The following ZNF362 variants were observed in gnomAD, a reference collection of about 807,000 sequenced individuals.
ZNF362 encodes the protein zinc finger protein 362, also known as rotund homolog.
A neutral mutation model predicts 42.9 loss-of-function variants in ZNF362; 11 were observed. The ratio of observed to expected loss-of-function variants is 0.26; its 90% CI spans 0.16 to 0.42. The LOEUF (loss-of-function observed/expected upper bound fraction) is 0.42, where lower values mean the gene tolerates loss of function less well. ZNF362 is among the 20% of genes least tolerant of loss of function. ZNF362 has a pLI of 1.00. For synonymous variants in ZNF362, 255 were observed against 257.3 expected (o/e 0.99, Z 0.09); for missense variants, 362 against 576.2 (o/e 0.63, Z 3.81).
At chr1:33,168,611 AGCTACTTCAGCCAGG>A in the ZNF362 span, among the ~76,000 whole-genome samples, 9 of 152,224 alleles carry the variant, frequency 5.9e-5, no homozygotes, top group African/African-American at 2.2e-4. Context: ...ATCTGACTGC[AGCTACTTCAGCCAGG>A]GCTCTGTTAC....
chr1:33,249,521 C>T, the ZNF362 span, among the ~76,000 whole-genome samples: 1 of 152,140 alleles, frequency 6.6e-6, no homozygotes, highest in Non-Finnish European at 1.5e-5. Flanking sequence ...CTCAGAGTCT[C>T]CCCAGAGAAA....
chr1:33,270,905 T>G (rs982292910), intron 2 of ZNF362, among the ~76,000 whole-genome samples: 2 of 152,156 alleles, frequency 1.3e-5, no homozygotes, highest in Non-Finnish European at 2.9e-5. Context: ...CCTGTGGCTG[T>G]GTTTGTCAGC....
At chr1:33,297,809 C>G (rs1292783476) in intron 8 of ZNF362, among the ~76,000 whole-genome samples, 3 of 152,206 alleles carry the variant, frequency 2.0e-5, no homozygotes, top group Non-Finnish European at 4.4e-5. Flanking sequence ...CCACCGTGCC[C>G]AGCCTACATT....
the ZNF362 span, among the ~76,000 whole-genome samples, chr1:33,136,470 G>A: frequency 5.3e-5 from 8 of 151,782 alleles, no homozygotes; most frequent in Non-Finnish European, 1.0e-4. Flanking sequence ...CCAGGCTCAA[G>A]CAATTCTCAT....
the ZNF362 span, chr1:33,158,150 T>C: frequency 9.7e-7 from 1 of 1,033,796 alleles, no homozygotes; most frequent in South Asian, 1.4e-5. Context: ...CAAGGCACTC[T>C]GCTCATTCAC....
In ZNF362 at chr1:33,276,484, A is replaced by G; in HGVS notation, c.239A>G (p.Gln80Arg). Residue 80 changes from glutamine (Q) to arginine (R), a missense_variant, in exon 4 of 9, where the codon CAG (glutamine) becomes CGG (arginine). This residue lies in a region of ZNF362 where 266 missense variants were observed against 365.4 expected (regional missense o/e 0.73). Coordinates refer to ENST00000539719, the MANE Select transcript of ZNF362 (RefSeq NM_152493.3). ...CCGCCGGCACCCGCCGAGAGCAGCC[A>G]GGCCGTCATGTCGCTGCCCAAGCTG... ...LVPPAPAESS[Q>R]AVMSLPKLQQ... 1 of 1,589,232 alleles carries G rather than the reference A, an allele frequency of 6.3e-7. No individual in the cohort carries two copies. The highest frequency in any genetic ancestry group is 1.1e-5 in the South Asian group (1 of 88,246).
chr1:33,216,766 G>A, the ZNF362 span, among the ~76,000 whole-genome samples: 1 of 151,894 alleles, frequency 6.6e-6, no homozygotes, highest in Admixed American at 6.6e-5. Context: ...AGTTGCATGA[G>A]CCAAGGTACA....
chr1:33,244,367 T>C, the ZNF362 span, among the ~76,000 whole-genome samples: 6 of 152,210 alleles, frequency 3.9e-5, no homozygotes, highest in African/African-American at 1.4e-4. The surrounding 1 kb of genome is among the most constrained non-coding windows in gnomAD (Gnocchi z 4.0). Flanking sequence ...CCTGAGGCAC[T>C]AACCACCGGA....
At chr1:33,157,379 C>T in the ZNF362 span, among the ~76,000 whole-genome samples, 2 of 152,166 alleles carry the variant, frequency 1.3e-5, no homozygotes, top group African/African-American at 2.4e-5. Flanking sequence ...CAGATACCTA[C>T]GTGGCTCACT....
At chr1:33,157,254 G>T in the ZNF362 span, among the ~76,000 whole-genome samples, 1 of 152,040 alleles carries the variant, frequency 6.6e-6, no homozygotes, top group African/African-American at 2.4e-5. Context: ...CTCCAGCCAC[G>T]TTAACCTCCT....
At chr1:33,149,986 T>C in the ZNF362 span, among the ~76,000 whole-genome samples, 2 of 152,214 alleles carry the variant, frequency 1.3e-5, no homozygotes, top group East Asian at 1.9e-4. Context: ...TGGCATGGGC[T>C]GCATCACCTG....
At chr1:33,189,927 G>C in the ZNF362 span, among the ~76,000 whole-genome samples, 1 of 151,538 alleles carries the variant, frequency 6.6e-6, no homozygotes, top group Non-Finnish European at 1.5e-5. Flanking sequence ...AATGGGCTTT[G>C]GCAAAGACTC....
At chr1:33,255,110 G>T (rs1035039064), upstream of ZNF362, among the ~76,000 whole-genome samples, 7 of 152,220 alleles carry the variant, frequency 4.6e-5, no homozygotes, top group African/African-American at 1.4e-4. Flanking sequence ...TCTGTGCCAG[G>T]CACTGTGCTT....
chr1:33,241,617 G>A, the ZNF362 span, among the ~76,000 whole-genome samples: 1 of 152,070 alleles, frequency 6.6e-6, no homozygotes, highest in East Asian at 1.9e-4. Flanking sequence ...TAGAAATCAT[G>A]GAAAAGTCCA....
the ZNF362 span, among the ~76,000 whole-genome samples, chr1:33,202,584 C>T: frequency 8.1e-6 from 1 of 123,608 alleles, no homozygotes; most frequent in Non-Finnish European, 1.7e-5. Context: ...GGTGACAGAG[C>T]GAGACTCCAT....
chr1:33,155,174 C>T, the ZNF362 span, among the ~76,000 whole-genome samples: 2 of 151,002 alleles, frequency 1.3e-5, no homozygotes, highest in Admixed American at 6.6e-5. Context: ...TGGGTTCAAG[C>T]CATTCTCCCA....
chr1:33,220,191 A>G, the ZNF362 span, among the ~76,000 whole-genome samples: 2 of 152,240 alleles, frequency 1.3e-5, no homozygotes, highest in Non-Finnish European at 2.9e-5. Flanking sequence ...AGGACTCTGC[A>G]GTGGGGGGTT....
At chr1:33,135,435 C>T in the ZNF362 span, among the ~76,000 whole-genome samples, 1 of 152,352 alleles carries the variant, frequency 6.6e-6, no homozygotes, top group Admixed American at 6.5e-5. Flanking sequence ...AAGAGACCAC[C>T]TGGCACGTGG....
chr1:33,136,122 C>CCTTG, the ZNF362 span, among the ~76,000 whole-genome samples: 18 of 89,932 alleles, frequency 2.0e-4, no homozygotes, highest in African/African-American at 7.6e-4. Flanking sequence ...GCCCTTCCTT[C>CCTTG]CTTCCTTCCT....
Sources: allele counts gnomAD v4.1 joint callset (sites outside exome capture counted in the v4.1 genomes callset), GRCh38; gene constraint gnomAD v4.1.1; regional missense constraint gnomAD v4.1.1; non-coding constraint Gnocchi (gnomAD v3.1); transcripts MANE v1.5; gene names NCBI Gene and HGNC (gene_info 2026-07-23, HGNC 2026-07-21).